The following TBPL2 variants were observed in gnomAD, a reference collection of about 807,000 sequenced individuals.
The protein encoded by TBPL2 is TATA box-binding protein-like 2.
Under a neutral mutation model 38.2 loss-of-function variants are expected in TBPL2, and 40 were observed. The observed-to-expected ratio is 1.05, with a 90% CI of 0.81 to 1.36. The LOEUF is 1.36. Ranked by LOEUF, TBPL2 falls within the 40% of genes most tolerant of loss-of-function variation. The pLI is 0.00. For missense variants in TBPL2, 461 were observed against 456.7 expected (o/e 1.01, Z -0.09); for synonymous variants, 169 against 171.7 (o/e 0.98, Z 0.12).
At chr14:55,427,138 A>G (rs1885838449) in intron 5 of TBPL2, among the ~76,000 whole-genome samples, 1 of 152,206 alleles carries the variant, frequency 6.6e-6, no homozygotes, top group Non-Finnish European at 1.5e-5. Flanking sequence ...AACAGGCTTT[A>G]TTAGGAAATC....
chr14:55,431,804 T>G (rs1207631807), intron 4 of TBPL2, among the ~76,000 whole-genome samples: 1 of 152,216 alleles, frequency 6.6e-6, no homozygotes, highest in East Asian at 1.9e-4. Context: ...CCAATTAATA[T>G]AAATTCAGTC....
intron 4 of TBPL2, 65 bp from the exon 5 acceptor site, chr14:55,429,039 T>G (rs553569191): frequency 1.1e-3 from 1,769 of 1,567,706 alleles, no homozygotes; most frequent in Non-Finnish European, 1.3e-3. Context: ...ACTGGTGTTG[T>G]ATTGGATTGT....
At chr14:55,435,986 A>AAG (rs1886007147) in intron 2 of TBPL2, 52 bp from the exon 3 acceptor site, 1 of 1,184,396 alleles carries the variant, frequency 8.4e-7, no homozygotes, top group Non-Finnish European at 1.2e-6. Flanking sequence ...AGAGTAAAAA[A>AAG]AAAAAAAGAC....
intron 6 of TBPL2, among the ~76,000 whole-genome samples, chr14:55,416,930 A>T (rs1398341380): frequency 6.6e-6 from 1 of 152,222 alleles, no homozygotes; most frequent in Non-Finnish European, 1.5e-5. Context: ...TTATATTAAA[A>T]AATCCTAACT....
At chr14:55,419,943 T>C (rs1314040375) in intron 6 of TBPL2, among the ~76,000 whole-genome samples, 1 of 152,226 alleles carries the variant, frequency 6.6e-6, no homozygotes, top group Non-Finnish European at 1.5e-5. Context: ...GAGTACCCAG[T>C]TGTGCCATGC....
intron 6 of TBPL2, among the ~76,000 whole-genome samples, chr14:55,422,860 A>AAAAC (rs762627819): frequency 6.6e-5 from 10 of 152,118 alleles, no homozygotes; most frequent in Non-Finnish European, 1.3e-4. Context: ...CTCAAAAACA[A>AAAAC]AAACAAACAA....
chr14:55,421,631 T>C (rs1281686474), intron 6 of TBPL2, among the ~76,000 whole-genome samples: 1 of 152,108 alleles, frequency 6.6e-6, no homozygotes, highest in Non-Finnish European at 1.5e-5. Flanking sequence ...GCCCAGCTAA[T>C]TTTGTATTTT....
chr14:55,440,135 G>C (rs1886087706), intron 1 of TBPL2, among the ~76,000 whole-genome samples: 1 of 151,272 alleles, frequency 6.6e-6, no homozygotes, highest in East Asian at 1.9e-4. Flanking sequence ...TCAAAAACCA[G>C]AACAACCTGG....
intron 6 of TBPL2, among the ~76,000 whole-genome samples, chr14:55,420,842 G>A (rs1885731172): frequency 6.6e-6 from 1 of 152,072 alleles, no homozygotes; most frequent in Admixed American, 6.5e-5. Flanking sequence ...GGTGGATCAC[G>A]AGGTCAGGAG....
chr14:55,425,391 T>C (rs1289576927), intron 5 of TBPL2, among the ~76,000 whole-genome samples: 2 of 152,216 alleles, frequency 1.3e-5, no homozygotes, highest in African/African-American at 4.8e-5. Context: ...TTCCATTTGA[T>C]CTTCCAGCTA....
At chr14:55,435,772 C>T in intron 3 of TBPL2, 75 bp downstream of exon 3, 1 of 1,084,854 alleles carries the variant, frequency 9.2e-7, no homozygotes, top group Admixed American at 2.8e-5. Flanking sequence ...AGGAATTAGT[C>T]AATATCATGA....
intron 6 of TBPL2, among the ~76,000 whole-genome samples, chr14:55,420,986 G>A (rs886748542): frequency 1.3e-4 from 20 of 151,042 alleles, no homozygotes; most frequent in Admixed American, 9.2e-4. Flanking sequence ...GCGTGAACCC[G>A]GGAGGCGGAG....
intron 5 of TBPL2, among the ~76,000 whole-genome samples, chr14:55,425,806 C>T (rs1328632552): frequency 6.6e-6 from 1 of 152,200 alleles, no homozygotes; most frequent in African/African-American, 2.4e-5. Flanking sequence ...CACCATGTTT[C>T]ATTACTGTCA....
At chr14:55,423,936 T>C (rs1248642654) in intron 6 of TBPL2, among the ~76,000 whole-genome samples, 2 of 152,204 alleles carry the variant, frequency 1.3e-5, no homozygotes, top group Admixed American at 1.3e-4. Flanking sequence ...AAAATCAGGA[T>C]GTAAAGATGA....
intron 5 of TBPL2, among the ~76,000 whole-genome samples, chr14:55,428,289 C>T (rs533164158): frequency 2.0e-5 from 3 of 151,858 alleles, no homozygotes; most frequent in South Asian, 2.1e-4. Context: ...GCTGCCACGC[C>T]CGGCTAATTT....
rs1220614109 is a variant in TBPL2, at chr14:55,436,804, TC to T, written c.364del (p.Glu122LysfsTer25). 2 of 1,614,104 alleles carry T rather than the reference TC, an allele frequency of 1.2e-6. No homozygotes were observed. Among genetic ancestry groups the T allele is most frequent in the Non-Finnish European group, 8.5e-7 (1 of 1,180,040 alleles). ...TGGACTTTGGCTTTCAGAATTTTCT[TC>T]AGTTTCGTGTTTGCTAATGACAGGC... is the stretch of plus-strand genomic sequence containing the variant. On this transcript the variant is annotated frameshift_variant, in exon 2 of 7. Coordinates refer to ENST00000247219, the Ensembl canonical transcript of TBPL2. LOFTEE classifies it high-confidence loss of function.
intron 6 of TBPL2, 71 bp from the exon 7 acceptor site, chr14:55,414,526 C>G (rs1885641072): frequency 1.3e-5 from 14 of 1,100,634 alleles, no homozygotes; most frequent in Non-Finnish European, 1.7e-5. Context: ...ACTAAAATTT[C>G]ATTGTATTGT....
At chr14:55,440,503 C>A (rs1594796055) in exon 1 of TBPL2, 5 of 1,611,806 alleles carry the variant, frequency 3.1e-6, no homozygotes, top group Non-Finnish European at 4.2e-6. Flanking sequence ...AAGCGCGGAG[C>A]GAGCAGCCTC....
intron 3 of TBPL2, among the ~76,000 whole-genome samples, chr14:55,434,036 C>T (rs1419209183): frequency 6.6e-6 from 1 of 152,076 alleles, no homozygotes; most frequent in Non-Finnish European, 1.5e-5. Context: ...GCAATATAAC[C>T]TCCAATATTA....
Sources: allele counts gnomAD v4.1 joint callset (sites outside exome capture counted in the v4.1 genomes callset), GRCh38; gene constraint gnomAD v4.1.1; transcripts MANE v1.5; gene names NCBI Gene and HGNC (gene_info 2026-07-23, HGNC 2026-07-21).